Variants in CCSER1 observed in about 807,000 individuals in gnomAD.
CCSER1 encodes the protein coiled-coil serine rich protein 1.
CCSER1 carries 41 observed loss-of-function variants against 82.0 expected under a neutral mutation model. The observed-to-expected ratio is 0.50, with a 90% CI of 0.39 to 0.65. The LOEUF (loss-of-function observed/expected upper bound fraction) is 0.65, where lower values mean the gene tolerates loss of function less well. Ranked by LOEUF, CCSER1 falls within the 30% of genes least tolerant of loss-of-function variation. CCSER1 has a pLI of 0.00. For missense variants in CCSER1, 1,119 were observed against 1,064.2 expected, an observed-to-expected ratio of 1.05 and a Z score of -0.72; for synonymous variants, 414 against 383.9, an observed-to-expected ratio of 1.08 and a Z score of -0.92.
intron 5 of CCSER1, among the ~76,000 whole-genome samples, chr4:90,508,078 T>A (rs1770962968): frequency 6.6e-6 from 1 of 152,034 alleles, no homozygotes; most frequent in Non-Finnish European, 1.5e-5. Flanking sequence ...TTTCATTGTG[T>A]GGTTTTAGGT....
intron 4 of CCSER1, among the ~76,000 whole-genome samples, chr4:90,445,388 G>A (rs936458151): frequency 6.6e-6 from 1 of 152,064 alleles, no homozygotes; most frequent in Non-Finnish European, 1.5e-5. Flanking sequence ...TACTTAAGTG[G>A]AGGTTTGTGA....
At chr4:90,847,986 T>C (rs189930345) in intron 8 of CCSER1, among the ~76,000 whole-genome samples, 29 of 152,340 alleles carry the variant, frequency 1.9e-4, no homozygotes, top group Admixed American at 1.3e-3. Context: ...TAGTATGTGG[T>C]AGTCATCATA....
chr4:90,498,592 A>G (rs1470214122), intron 5 of CCSER1, among the ~76,000 whole-genome samples: 4 of 152,184 alleles, frequency 2.6e-5, no homozygotes, highest in Admixed American at 2.6e-4. Context: ...TGTAAATTAT[A>G]ATGGCATGAT....
chr4:91,126,246 C>A (rs1219346055), intron 10 of CCSER1, among the ~76,000 whole-genome samples: 2 of 151,834 alleles, frequency 1.3e-5, no homozygotes, highest in Non-Finnish European at 2.9e-5. Flanking sequence ...TAGGAGGCTA[C>A]TTTTCAATTT....
intron 10 of CCSER1, among the ~76,000 whole-genome samples, chr4:91,208,647 T>C (rs2149080462): frequency 2.0e-5 from 3 of 152,066 alleles, no homozygotes; most frequent in Admixed American, 2.0e-4. Context: ...TGAAATCAGG[T>C]AATGTGATTC....
chr4:90,984,663 AAG>A (rs1736424516), intron 9 of CCSER1, among the ~76,000 whole-genome samples: 3 of 151,854 alleles, frequency 2.0e-5, no homozygotes, highest in Admixed American at 6.6e-5. Flanking sequence ...AATTAGCACT[AAG>A]AGGGGGAAAA....
At chr4:91,106,544 G>T (rs1039148135) in intron 10 of CCSER1, among the ~76,000 whole-genome samples, 5 of 151,936 alleles carry the variant, frequency 3.3e-5, no homozygotes, top group African/African-American at 1.2e-4. Context: ...TGTCTATCTT[G>T]CCTACCTATT....
intron 4 of CCSER1, among the ~76,000 whole-genome samples, chr4:90,402,725 A>C (rs919434499): frequency 2.6e-5 from 4 of 152,250 alleles, no homozygotes; most frequent in African/African-American, 9.6e-5. Context: ...AATGATTTAA[A>C]TATCTGAAGA....
chr4:91,450,206 G>A (rs1755797116), intron 10 of CCSER1, among the ~76,000 whole-genome samples: 1 of 151,910 alleles, frequency 6.6e-6, no homozygotes, highest in Non-Finnish European at 1.5e-5. Flanking sequence ...TACTCAAAAC[G>A]TCCTATATTT....
intron 10 of CCSER1, among the ~76,000 whole-genome samples, chr4:91,394,509 T>A (rs909327601): frequency 6.6e-6 from 1 of 152,034 alleles, no homozygotes; most frequent in African/African-American, 2.4e-5. Context: ...GCAGATAAAA[T>A]TGAATATACA....
At chr4:90,133,192 G>T (rs766707471) in intron 1 of CCSER1, among the ~76,000 whole-genome samples, 3 of 152,164 alleles carry the variant, frequency 2.0e-5, no homozygotes, top group Non-Finnish European at 4.4e-5. Context: ...CTAAGGTTCA[G>T]ATATTCAGTT....
intron 8 of CCSER1, among the ~76,000 whole-genome samples, chr4:90,879,638 A>AGAG (rs1245942389): frequency 9.9e-5 from 15 of 151,956 alleles, no homozygotes; most frequent in Admixed American, 4.6e-4. Flanking sequence ...GAAAGAAGAA[A>AGAG]GAAGAAAGAG....
intron 8 of CCSER1, among the ~76,000 whole-genome samples, chr4:90,865,834 G>C (rs891706393): frequency 1.5e-4 from 23 of 151,856 alleles, no homozygotes; most frequent in South Asian, 4.2e-4. Context: ...AGAAATACCT[G>C]AGACTGGATA....
intron 9 of CCSER1, among the ~76,000 whole-genome samples, chr4:90,963,382 A>G (rs1227266283): frequency 1.3e-5 from 2 of 152,214 alleles, no homozygotes; most frequent in African/African-American, 4.8e-5. Context: ...GGAGATATAT[A>G]TAAACATATA....
intron 4 of CCSER1, among the ~76,000 whole-genome samples, chr4:90,453,637 A>G (rs1305206098): frequency 6.6e-6 from 1 of 152,208 alleles, no homozygotes; most frequent in African/African-American, 2.4e-5. Context: ...TCCTGGAGCC[A>G]TAAAGATAGT....
chr4:90,890,885 G>T (rs1019160195), intron 8 of CCSER1, among the ~76,000 whole-genome samples: 1 of 152,020 alleles, frequency 6.6e-6, no homozygotes, highest in Non-Finnish European at 1.5e-5. Flanking sequence ...ATTAGATAAG[G>T]CACATAACTT....
intron 10 of CCSER1, among the ~76,000 whole-genome samples, chr4:91,400,593 T>G (rs2149359068): frequency 6.7e-6 from 1 of 150,274 alleles, no homozygotes; most frequent in Middle Eastern, 3.4e-3. Context: ...TAACAATAGT[T>G]AAAATATTTA....
intron 5 of CCSER1, among the ~76,000 whole-genome samples, chr4:90,610,530 C>A (rs902338553): frequency 1.3e-5 from 2 of 151,962 alleles, no homozygotes; most frequent in African/African-American, 4.8e-5. Context: ...TTTTTGCTTT[C>A]TAAGGCTGAC....
chr4:90,337,860 C>T (rs1420601467), intron 3 of CCSER1, among the ~76,000 whole-genome samples: 3 of 152,076 alleles, frequency 2.0e-5, no homozygotes, highest in Non-Finnish European at 4.4e-5. Context: ...TGCGGTATTG[C>T]TTTACAGTTT....
Sources: gnomAD v4.1 joint callset for allele counts (sites outside exome capture counted in the v4.1 genomes callset) on GRCh38, gnomAD v4.1.1 for gene constraint, MANE v1.5 for transcripts, NCBI Gene and HGNC (gene_info 2026-07-23, HGNC 2026-07-21) for gene names.